PRCC: variants seen among roughly 807,000 people sequenced by gnomAD.
PRCC encodes the protein proline-rich protein PRCC.
In PRCC, 10 loss-of-function variants were observed where a neutral mutation model predicts 44.0. That is an observed-to-expected ratio of 0.23 (90% CI 0.14 to 0.39). PRCC has a LOEUF of 0.39. Ranked by LOEUF, PRCC falls within the 10% of genes least tolerant of loss-of-function variation. PRCC has a pLI of 1.00. For missense variants in PRCC, 573 were observed against 624.7 expected, an observed-to-expected ratio of 0.92 and a Z score of 0.88; for synonymous variants, 278 against 259.5, an observed-to-expected ratio of 1.07 and a Z score of -0.69.
Position 156,768,199 on chromosome 1 carries a change from A to G in PRCC, c.428A>G (p.Glu143Gly). The stretch of plus-strand genomic sequence containing the variant: ...CTTCCCAAGCCAAAGAAGAGGAAAG[A>G]GCCCGTGAAGATCGCGGCGCCGGAG... ...LGLPKPKKRK[E>G]PVKIAAPELH... Residue 143 changes from glutamate to glycine, a missense_variant, in exon 1 of 7, where the codon GAG (glutamate) becomes GGG (glycine). Physicochemically the swap from Glu to Gly is moderately conservative, Grantham distance 98. This residue lies in a region of PRCC where 245 missense variants were observed against 188.5 expected (regional missense o/e 1.30). Transcript: ENST00000271526. 1 of 1,548,150 alleles carries G rather than the reference A, an allele frequency of 6.5e-7. No individual in the cohort carries two copies. The highest frequency in any genetic ancestry group is 8.7e-7 in the Non-Finnish European group (1 of 1,147,592).
At chr1:156,793,229 T>G (rs1039280029) in intron 4 of PRCC, among the ~76,000 whole-genome samples, 1 of 152,208 alleles carries the variant, frequency 6.6e-6, no homozygotes, top group Admixed American at 6.5e-5. Context: ...GATAGTTGGT[T>G]TCTTTGGGAA....
chr1:156,791,649 C>G, intron 3 of PRCC, 48 bp from the exon 4 acceptor site: 2 of 1,556,606 alleles, frequency 1.3e-6, no homozygotes. Context: ...CTTCCCCTCT[C>G]CAACTGTGCC....
At chr1:156,791,890 A>G in intron 4 of PRCC, 98 bp downstream of exon 4, 1 of 1,098,522 alleles carries the variant, frequency 9.1e-7, no homozygotes, top group Non-Finnish European at 1.3e-6. Context: ...CACACAAAAG[A>G]CAAAACTGTA....
At chr1:156,779,614 CT>C (rs1651978050) in intron 1 of PRCC, among the ~76,000 whole-genome samples, 1 of 152,158 alleles carries the variant, frequency 6.6e-6, no homozygotes, top group Non-Finnish European at 1.5e-5. Context: ...AGTGACCTGT[CT>C]TCCTTGGCCT....
chr1:156,793,749 T>A (rs1480407203), intron 4 of PRCC, among the ~76,000 whole-genome samples: 1 of 152,014 alleles, frequency 6.6e-6, no homozygotes, highest in Non-Finnish European at 1.5e-5. Flanking sequence ...GAGGTCTTGC[T>A]GTGTTTCCCA....
chr1:156,774,157 C>CTTTTTTTTTTTTTTTTTTTTTTTT lies in PRCC; in HGVS notation c.468+5931_468+5954dup, dbSNP rs76271348. On this transcript the variant is annotated intron_variant, in intron 1 of 6. Transcript: ENST00000271526. ...GAGTTTCTTTCTTTTTTTGAGTCAC[C>CTTTTTTTTTTTTTTTTTTTTTTTT]TTTTTTTTTTTTTTTTTTTTTTTTT... is the stretch of plus-strand genomic sequence containing the variant. 7.4e-5 allele frequency among the ~76,000 whole-genome samples: 4 copies of CTTTTTTTTTTTTTTTTTTTTTTTT among 54,004 alleles called. 1 individual carries two copies. Among genetic ancestry groups the CTTTTTTTTTTTTTTTTTTTTTTTT allele is most frequent in the Non-Finnish European group, 9.7e-5 (3 of 31,014 alleles). 35.4% of individuals were successfully genotyped at this position (54,004 alleles called of 152,430 possible).
intron 2 of PRCC, among the ~76,000 whole-genome samples, chr1:156,783,549 C>A (rs1373112168): frequency 1.3e-5 from 2 of 152,084 alleles, no homozygotes; most frequent in African/African-American, 2.4e-5. Flanking sequence ...AGTTTGAGAC[C>A]AGCCTGGCCA....
At chr1:156,790,732 AC>A (rs1192050290) in intron 3 of PRCC, among the ~76,000 whole-genome samples, 1 of 152,230 alleles carries the variant, frequency 6.6e-6, no homozygotes, top group African/African-American at 2.4e-5. Context: ...AGTTATAAAC[AC>A]CACTGAGATA....
intron 4 of PRCC, among the ~76,000 whole-genome samples, chr1:156,793,988 A>C (rs1571594545): frequency 9.0e-5 from 10 of 111,658 alleles, no homozygotes; most frequent in Admixed American, 2.3e-4. Context: ...ACAGAGTTTC[A>C]CTCTTCCCGC....
intron 1 of PRCC, among the ~76,000 whole-genome samples, chr1:156,780,217 C>T (rs931413480): frequency 1.3e-5 from 2 of 151,802 alleles, no homozygotes; most frequent in Non-Finnish European, 2.9e-5. Context: ...GCCACCACAC[C>T]CGGCTAATCT....
intron 4 of PRCC, 105 bp downstream of exon 4, chr1:156,791,897 T>C (rs1479957843): frequency 5.8e-6 from 6 of 1,029,772 alleles, no homozygotes; most frequent in Non-Finnish European, 8.7e-6. Flanking sequence ...AAGACAAAAC[T>C]GTATCAGGAT....
At position 156,787,118 on chromosome 1, in the gene PRCC, A is replaced by AGCT; in HGVS notation, c.1028_1030dup (p.Ser343_Tyr344insCys). On this transcript the variant is annotated inframe_insertion, in exon 3 of 7. Transcript: ENST00000271526. ...GATGCCTAAGCCTGGGGACGACTAC[A>AGCT]GCTACAATCAGTTTTCCACATATGG... 10 of 1,613,718 alleles carry AGCT rather than the reference A, an allele frequency of 6.2e-6. No homozygotes were observed. Among genetic ancestry groups the AGCT allele is most frequent in the Non-Finnish European group, 8.5e-6 (10 of 1,179,706 alleles).
chr1:156,790,708 G>A (rs1011576454), intron 3 of PRCC, among the ~76,000 whole-genome samples: 3 of 152,070 alleles, frequency 2.0e-5, no homozygotes, highest in Admixed American at 6.6e-5. Context: ...ATAACAAATT[G>A]GAATTCTATA....
intron 6 of PRCC, among the ~76,000 whole-genome samples, chr1:156,797,722 C>T (rs865903937): frequency 1.3e-5 from 2 of 152,130 alleles, no homozygotes; most frequent in African/African-American, 2.4e-5. Flanking sequence ...AAACATCCAC[C>T]TGATGAAGAG....
intron 5 of PRCC, among the ~76,000 whole-genome samples, chr1:156,795,018 G>A (rs1652608980): frequency 6.6e-6 from 1 of 152,122 alleles, no homozygotes; most frequent in Admixed American, 6.5e-5. Context: ...CTCTGCAGCT[G>A]GATGGGGGGT....
intron 3 of PRCC, 83 bp from the exon 4 acceptor site, chr1:156,791,614 T>C: frequency 7.7e-7 from 1 of 1,297,684 alleles, no homozygotes; most frequent in Non-Finnish European, 1.1e-6. Flanking sequence ...TTGATGACAA[T>C]TTTCTGTTTC....
At chr1:156,785,334 AC>A (rs1453787519) in intron 2 of PRCC, among the ~76,000 whole-genome samples, 2 of 151,886 alleles carry the variant, frequency 1.3e-5, no homozygotes, top group African/African-American at 2.4e-5. Context: ...AGATGGTAAA[AC>A]CCCGTCTCTA....
chr1:156,792,053 CTTTTTTTTTTTTTTTTTT>C (rs67388360), intron 4 of PRCC, among the ~76,000 whole-genome samples: 2 of 58,408 alleles, frequency 3.4e-5, no homozygotes, highest in African/African-American at 1.1e-4. Context: ...TAGTCCCCTT[CTTTTTTTTTTTTTTTTTT>C]TTTTTTTTTT....
chr1:156,785,861 G>T (rs1323919828), intron 2 of PRCC, among the ~76,000 whole-genome samples: 1 of 150,998 alleles, frequency 6.6e-6, no homozygotes. Context: ...ACCCAAGCTG[G>T]AGTACAGTGG....
Sources: gnomAD v4.1 joint callset for allele counts (sites outside exome capture counted in the v4.1 genomes callset) on GRCh38, gnomAD v4.1.1 for gene constraint, gnomAD v4.1.1 regional missense constraint, MANE v1.5 for transcripts, NCBI Gene and HGNC (gene_info 2026-07-23, HGNC 2026-07-21) for gene names.